Variants in MALRD1 observed in about 807,000 individuals in gnomAD.
MALRD1 encodes MAM and LDL receptor class A domain containing 1.
In MALRD1, 247 loss-of-function variants were observed where a neutral mutation model predicts 242.1. That is an observed-to-expected ratio of 1.02 (90% CI 0.92 to 1.13). The LOEUF (loss-of-function observed/expected upper bound fraction) is 1.13. Among genes scored for constraint, MALRD1 ranks in the 50% most tolerant of loss-of-function variants. The probability of loss-of-function intolerance (pLI) is 0.00; values close to 1 mark genes in which losing one functional copy is unlikely to be tolerated. For synonymous variants in MALRD1, 995 were observed against 866.6 expected, an observed-to-expected ratio of 1.15 and a Z score of -2.60; for missense variants, 2,989 against 2,533.1, an observed-to-expected ratio of 1.18 and a Z score of -3.86.
At chr10:19,503,975 A>C (rs1034572813) in intron 31 of MALRD1, among the ~76,000 whole-genome samples, 2 of 152,244 alleles carry the variant, frequency 1.3e-5, no homozygotes, top group Admixed American at 1.3e-4. Flanking sequence ...ATACAAGCTT[A>C]CTATCATGCA....
At chr10:19,500,550 A>G (rs981265061) in intron 31 of MALRD1, among the ~76,000 whole-genome samples, 9 of 152,226 alleles carry the variant, frequency 5.9e-5, no homozygotes, top group Non-Finnish European at 1.2e-4. Flanking sequence ...GCAAGAAAAC[A>G]GAGAGTAAAC....
chr10:19,463,712 T>C (rs186428173), intron 29 of MALRD1, among the ~76,000 whole-genome samples: 1 of 152,246 alleles, frequency 6.6e-6, no homozygotes, highest in Non-Finnish European at 1.5e-5. Context: ...AATTACTTCT[T>C]TTCCTCTGGG....
intron 18 of MALRD1, among the ~76,000 whole-genome samples, chr10:19,248,913 GTA>G (rs765265540): frequency 4.0e-4 from 59 of 146,054 alleles, no homozygotes; most frequent in Non-Finnish European, 6.1e-4. Flanking sequence ...TATCATATGT[GTA>G]TATGTTTTAA....
At chr10:19,230,632 C>T (rs376515190) in intron 18 of MALRD1, among the ~76,000 whole-genome samples, 1 of 152,168 alleles carries the variant, frequency 6.6e-6, no homozygotes, top group Admixed American at 6.5e-5. Context: ...AGGGGACAAA[C>T]ATCCAAACTA....
chr10:19,127,199 A>G (rs1837310028), intron 7 of MALRD1, among the ~76,000 whole-genome samples: 2 of 152,146 alleles, frequency 1.3e-5, no homozygotes, highest in African/African-American at 4.8e-5. Flanking sequence ...GCTATTGTGA[A>G]TAGTGTACAG....
intron 28 of MALRD1, among the ~76,000 whole-genome samples, chr10:19,399,906 T>C (rs939872560): frequency 6.6e-6 from 1 of 152,148 alleles, no homozygotes; most frequent in Non-Finnish European, 1.5e-5. Flanking sequence ...GTGGATAGTA[T>C]TATGTGAAAG....
rs114780582 is a variant in MALRD1, at chr10:19,643,698, A to G, written c.6137+27775A>G. 9.2e-3 allele frequency among the ~76,000 whole-genome samples: 1,400 copies of G among 152,304 alleles called. 19 individuals carry two copies. Among genetic ancestry groups the G allele is most frequent in the African/African-American group, 0.032 (1,312 of 41,564 alleles). ...AGTAGAATCATATTTATTAGTATAC[A>G]GTATCAAGTCCAGAAACACTGCCTA... On this transcript the variant is annotated intron_variant, in intron 36 of 39. Coordinates refer to ENST00000454679, the MANE Select transcript of MALRD1 (RefSeq NM_001142308.3).
chr10:19,204,819 C>G (rs1051947862), intron 16 of MALRD1, 79 bp from the exon 17 acceptor site: 1 of 1,367,646 alleles, frequency 7.3e-7, no homozygotes, highest in African/African-American at 1.5e-5. Flanking sequence ...TGACTGTTGA[C>G]TGAGTAGAAA....
At chr10:19,642,404 A>G (rs1840431280) in intron 36 of MALRD1, among the ~76,000 whole-genome samples, 1 of 152,168 alleles carries the variant, frequency 6.6e-6, no homozygotes, top group African/African-American at 2.4e-5. Context: ...AGCAAACAAG[A>G]ATGACAAATT....
At chr10:19,156,576 G>C (rs760374902) in intron 12 of MALRD1, among the ~76,000 whole-genome samples, 2 of 150,922 alleles carry the variant, frequency 1.3e-5, no homozygotes, top group South Asian at 2.1e-4. Flanking sequence ...ACAAATGTTA[G>C]ATATATAGAA....
intron 36 of MALRD1, among the ~76,000 whole-genome samples, chr10:19,630,592 A>T (rs1589331906): frequency 1.3e-5 from 2 of 152,266 alleles, no homozygotes; most frequent in Admixed American, 1.3e-4. Context: ...GGCTTTGCAT[A>T]TATTATTCTT....
chr10:19,527,426 C>A (rs372404685), intron 31 of MALRD1, among the ~76,000 whole-genome samples: 1 of 152,116 alleles, frequency 6.6e-6, no homozygotes, highest in African/African-American at 2.4e-5. Context: ...GATTTTAAAT[C>A]GGAATTCAAT....
chr10:19,339,806 G>T (rs909767091), intron 24 of MALRD1, among the ~76,000 whole-genome samples: 1 of 151,952 alleles, frequency 6.6e-6, no homozygotes, highest in Non-Finnish European at 1.5e-5. Context: ...TCATTCTCAC[G>T]CTGCTATAAA....
chr10:19,387,495 C>T (rs758759587), intron 26 of MALRD1, 33 bp from the exon 27 acceptor site: 17 of 1,539,588 alleles, frequency 1.1e-5, no homozygotes, highest in Middle Eastern at 1.7e-4. Context: ...TAGGAGTGTT[C>T]GCTCATTCTT....
chr10:19,509,951 G>A (rs906270002), intron 31 of MALRD1, among the ~76,000 whole-genome samples: 2 of 152,090 alleles, frequency 1.3e-5, no homozygotes, highest in Admixed American at 6.5e-5. Context: ...CAGAGGATCC[G>A]CTCCAGCACC....
At chr10:19,497,832 T>C (rs1837790392) in intron 30 of MALRD1, among the ~76,000 whole-genome samples, 1 of 152,168 alleles carries the variant, frequency 6.6e-6, no homozygotes, top group Non-Finnish European at 1.5e-5. Context: ...AAAGCCTAGA[T>C]CAGGGTATCA....
At chr10:19,448,425 G>A (rs1237553893) in intron 28 of MALRD1, among the ~76,000 whole-genome samples, 1 of 149,920 alleles carries the variant, frequency 6.7e-6, no homozygotes, top group East Asian at 1.9e-4. Flanking sequence ...ACATAATAGT[G>A]TGTATATATG....
intron 29 of MALRD1, among the ~76,000 whole-genome samples, chr10:19,453,505 A>G (rs1835439970): frequency 6.6e-6 from 1 of 152,228 alleles, no homozygotes; most frequent in African/African-American, 2.4e-5. Context: ...AACTTATGGC[A>G]TGTAAATTAT....
At chr10:19,649,508 A>T (rs897090684) in intron 36 of MALRD1, among the ~76,000 whole-genome samples, 1 of 152,106 alleles carries the variant, frequency 6.6e-6, no homozygotes, top group African/African-American at 2.4e-5. Context: ...TTCTTTTCAT[A>T]TGCTTCTTGG....
Sources: gnomAD v4.1 joint callset for allele counts (sites outside exome capture counted in the v4.1 genomes callset) on GRCh38, gnomAD v4.1.1 for gene constraint, MANE v1.5 for transcripts, NCBI Gene and HGNC (gene_info 2026-07-23, HGNC 2026-07-21) for gene names.